Variants in ABCA5 observed in about 807,000 individuals in gnomAD.
ABCA5 encodes cholesterol transporter ABCA5.
Under a neutral mutation model 206.0 loss-of-function variants are expected in ABCA5, and 163 were observed. That is an observed-to-expected ratio of 0.79 (90% CI 0.70 to 0.90). The LOEUF (loss-of-function observed/expected upper bound fraction) is 0.90. ABCA5 is among the 40% of genes least tolerant of loss of function. The pLI is 0.00. For missense variants in ABCA5, 1,859 were observed against 1,912.9 expected (o/e 0.97, Z 0.53); for synonymous variants, 609 against 613.8 (o/e 0.99, Z 0.11).
At chr17:69,324,428 T>C (rs1438685626) in intron 1 of ABCA5, among the ~76,000 whole-genome samples, 1 of 152,210 alleles carries the variant, frequency 6.6e-6, no homozygotes, top group African/African-American at 2.4e-5. Context: ...TGCAGATGTA[T>C]GTTCTAGATA....
At chr17:69,290,956 AATG>A (rs1033746944) in intron 12 of ABCA5, among the ~76,000 whole-genome samples, 3 of 152,160 alleles carry the variant, frequency 2.0e-5, no homozygotes, top group Admixed American at 6.5e-5. Flanking sequence ...CTCCCTTGAA[AATG>A]ATGAATAAAA....
At position 69,245,785 on chromosome 17, in the gene ABCA5, T is replaced by C. The variant is rs2074943826; in HGVS notation, c.*1752A>G. 1 of 152,008 alleles carries C rather than the reference T, an allele frequency of 6.6e-6. No homozygotes were observed. Among genetic ancestry groups the C allele is most frequent in the African/African-American group, 2.4e-5 (1 of 41,446 alleles). 9.4% of individuals were successfully genotyped at this position (152,008 alleles called of 1,614,324 possible). ...TGCACCAATTACACATTCACAAATG[T>C]AAAGTGAAAGTTACCAAATCTACGT... On this transcript the variant is annotated 3_prime_UTR_variant, in exon 39 of 39. Coordinates refer to ENST00000392676, the MANE Select transcript of ABCA5 (RefSeq NM_172232.4).
chr17:69,319,367 G>A (rs544829), intron 1 of ABCA5, among the ~76,000 whole-genome samples: 148,058 of 152,280 alleles, frequency 0.97, 72,116 homozygotes, highest in Middle Eastern at 1. Flanking sequence ...TGGATTCACA[G>A]AATTTTTTGT....
chr17:69,322,390 G>A (rs707243), intron 1 of ABCA5, among the ~76,000 whole-genome samples: 133,632 of 139,018 alleles, frequency 0.96, 64,503 homozygotes, highest in East Asian at 1. Context: ...AAAAAAAAGT[G>A]CTGGTTACTA....
intron 1 of ABCA5, among the ~76,000 whole-genome samples, chr17:69,321,419 G>A (rs2075864657): frequency 6.6e-6 from 1 of 152,096 alleles, no homozygotes; most frequent in South Asian, 2.1e-4. Flanking sequence ...GCCTTTTCTT[G>A]GGATACAAGA....
At chr17:69,298,838 CA>C (rs1217702662) in intron 9 of ABCA5, among the ~76,000 whole-genome samples, 1 of 151,990 alleles carries the variant, frequency 6.6e-6, no homozygotes, top group East Asian at 1.9e-4. Context: ...TTAATTAAAC[CA>C]AAAAGCTTCT....
chr17:69,251,931 T>C, intron 34 of ABCA5, 65 bp from the exon 35 acceptor site: 1 of 1,570,008 alleles, frequency 6.4e-7, no homozygotes, highest in Non-Finnish European at 8.6e-7. Flanking sequence ...AATGGGTTTT[T>C]AAAAATCCAA....
Position 69,260,279 on chromosome 17 carries a change from C to G in ABCA5, c.3639+59G>C, listed in dbSNP as rs537254111. ...ATAAAAAACTAAACATAGTTAAAAC[C>G]ATAGGACCAAACCATTCTTAAGGTA... On this transcript the variant is annotated intron_variant, in intron 27 of 38. Transcript: ENST00000392676. 100 of 1,308,558 alleles carry G rather than the reference C, an allele frequency of 7.6e-5. 1 individual carries two copies. The South Asian group carries it at 1.3e-3, about 17-fold the overall frequency. The allele number at this position is 1,308,558 out of a possible 1,614,324, so 81.1% of individuals were successfully genotyped here.
chr17:69,274,484 A>T (rs1337549911), intron 19 of ABCA5, among the ~76,000 whole-genome samples: 2 of 152,158 alleles, frequency 1.3e-5, no homozygotes, highest in African/African-American at 4.8e-5. Context: ...TCAGCCTCCC[A>T]AAGTGCTGGG....
At chr17:69,262,577 T>C (rs551286696) in intron 24 of ABCA5, among the ~76,000 whole-genome samples, 2 of 152,342 alleles carry the variant, frequency 1.3e-5, no homozygotes, top group South Asian at 2.1e-4. Flanking sequence ...TTCTTTTTTA[T>C]GGCTGCTCAG....
chr17:69,250,650 G>A (rs2075001556), intron 35 of ABCA5, 29 bp from the exon 36 acceptor site: 1 of 1,486,118 alleles, frequency 6.7e-7, no homozygotes, highest in Admixed American at 2.4e-5. Flanking sequence ...AGAAAGCTCA[G>A]ATATAAAATG....
chr17:69,270,598 T>A lies in ABCA5; in HGVS notation c.3030+15A>T. On this transcript the variant is annotated intron_variant, in intron 22 of 38. Coordinates refer to ENST00000392676, the MANE Select transcript of ABCA5 (RefSeq NM_172232.4). ...ACATGCATATGGAAATTTATCTGTA[T>A]ATACATTGGCTTACTTGAAAGAATG... is the stretch of plus-strand genomic sequence containing the variant. The A allele has an allele frequency of 1.9e-6, 3 of 1,576,232 alleles. No homozygotes were observed. The highest frequency in any genetic ancestry group is 2.6e-6 in the Non-Finnish European group (3 of 1,166,402).
chr17:69,299,471 T>TACACACACATACAC (rs2075627873), intron 9 of ABCA5, among the ~76,000 whole-genome samples: 1 of 142,400 alleles, frequency 7.0e-6, no homozygotes, highest in South Asian at 2.3e-4. Context: ...CACACACACA[T>TACACACACATACAC]ACACACACAC....
At chr17:69,251,060 G>A (rs1303352312) in intron 35 of ABCA5, 1 of 153,270 alleles carries the variant, frequency 6.5e-6, no homozygotes, top group Non-Finnish European at 1.5e-5. Flanking sequence ...GTGTTAGAAG[G>A]TCCCTCAATT....
chr17:69,273,883 A>T, intron 20 of ABCA5, 76 bp downstream of exon 20: 3 of 1,388,940 alleles, frequency 2.2e-6, no homozygotes, highest in Middle Eastern at 2.0e-4. Context: ...TATAGTTTTA[A>T]AATCCAGACC....
intron 1 of ABCA5, 21 bp from the exon 2 acceptor site, chr17:69,314,451 A>T: frequency 6.7e-7 from 1 of 1,482,988 alleles, no homozygotes; most frequent in Non-Finnish European, 9.3e-7. Context: ...GGAAAAACAA[A>T]CAAACAAACC....
In ABCA5 at chr17:69,323,494, AT is replaced by A. The variant is rs566330663; in HGVS notation, c.-16+3557del. ...CAAGTTTTATGCTCAAATAAACTCA[AT>A]TTTTAATCATATTGCCTAAATGTCA... is the stretch of plus-strand genomic sequence containing the variant. On this transcript the variant is annotated intron_variant, in intron 1 of 38. Transcript: ENST00000392676. Among the ~76,000 whole-genome samples the A allele has an allele frequency of 4.7e-4, 72 of 152,300 alleles. No homozygotes were observed. In the Middle Eastern group the frequency reaches 0.017, roughly 36 times the overall value.
chr17:69,302,969 A>AAG, intron 7 of ABCA5, 63 bp from the exon 8 acceptor site: 1 of 882,194 alleles, frequency 1.1e-6, no homozygotes. Flanking sequence ...AAACAAAATT[A>AAG]AAGTTTGCTT....
chr17:69,296,311 T>C (rs1186499393), intron 10 of ABCA5, among the ~76,000 whole-genome samples: 1 of 152,224 alleles, frequency 6.6e-6, no homozygotes, highest in Non-Finnish European at 1.5e-5. Flanking sequence ...TCTGGAATTT[T>C]TACATTTTTC....
Sources: gnomAD v4.1 joint callset for allele counts (sites outside exome capture counted in the v4.1 genomes callset) on GRCh38, gnomAD v4.1.1 for gene constraint, MANE v1.5 for transcripts, NCBI Gene and HGNC (gene_info 2026-07-23, HGNC 2026-07-21) for gene names.